Variants in RPS6KC1 observed in about 807,000 individuals in gnomAD.
The protein encoded by RPS6KC1 is ribosomal protein S6 kinase C1.
A neutral mutation model predicts 103.8 loss-of-function variants in RPS6KC1; 54 were observed. That is an observed-to-expected ratio of 0.52 (90% confidence interval 0.42 to 0.65). The LOEUF (loss-of-function observed/expected upper bound fraction) is 0.65. Among genes scored for constraint, RPS6KC1 ranks in the 30% least tolerant of loss-of-function variants. The pLI is 0.00. For missense variants in RPS6KC1, 1,151 were observed against 1,253.8 expected, an observed-to-expected ratio of 0.92 and a Z score of 1.24; for synonymous variants, 439 against 438.7, an observed-to-expected ratio of 1.00 and a Z score of -0.01.
the RPS6KC1 span, among the ~76,000 whole-genome samples, chr1:213,531,141 C>T: frequency 2.0e-5 from 3 of 152,142 alleles, no homozygotes; most frequent in South Asian, 2.1e-4. Context: ...ATGCAGAGAT[C>T]GAAGGGTGCC....
At chr1:213,081,279 A>G (rs2079854194) in intron 3 of RPS6KC1, among the ~76,000 whole-genome samples, 1 of 152,174 alleles carries the variant, frequency 6.6e-6, no homozygotes, top group South Asian at 2.1e-4. Flanking sequence ...TGCATCTAGG[A>G]AGGACCTCAG....
At chr1:213,195,808 A>T (rs1053968417) in intron 8 of RPS6KC1, among the ~76,000 whole-genome samples, 5 of 150,578 alleles carry the variant, frequency 3.3e-5, no homozygotes, top group African/African-American at 5.0e-5. Context: ...TTTATGGCTG[A>T]GTAGTATTCC....
At chr1:213,299,630 AAAG>A in the RPS6KC1 span, among the ~76,000 whole-genome samples, 1 of 151,984 alleles carries the variant, frequency 6.6e-6, no homozygotes, top group Non-Finnish European at 1.5e-5. Context: ...AAAAATATAA[AAAG>A]AAATAAAGTT....
chr1:213,545,433 AAGAG>A, the RPS6KC1 span, among the ~76,000 whole-genome samples: 146 of 52,994 alleles, frequency 2.8e-3, 2 homozygotes, highest in African/African-American at 4.8e-3. Context: ...AATAAAATAA[AAGAG>A]AGAGAGAGAG....
chr1:213,140,205 C>A (rs767338872), intron 6 of RPS6KC1, among the ~76,000 whole-genome samples: 3 of 152,074 alleles, frequency 2.0e-5, no homozygotes, highest in Admixed American at 6.6e-5. Flanking sequence ...TATTCTGAAA[C>A]TTTGCTGAAG....
the RPS6KC1 span, among the ~76,000 whole-genome samples, chr1:213,695,695 G>C: frequency 6.6e-6 from 1 of 152,256 alleles, no homozygotes; most frequent in African/African-American, 2.4e-5. Flanking sequence ...CTCTTGGGGA[G>C]TTTGCCTTCA....
At chr1:213,127,589 C>T (rs1017495831) in intron 5 of RPS6KC1, among the ~76,000 whole-genome samples, 3 of 151,968 alleles carry the variant, frequency 2.0e-5, no homozygotes, top group African/African-American at 7.3e-5. Flanking sequence ...TGTCATTATT[C>T]AGACTTGTGT....
At chr1:213,527,750 C>T in the RPS6KC1 span, among the ~76,000 whole-genome samples, 1 of 151,910 alleles carries the variant, frequency 6.6e-6, no homozygotes, top group African/African-American at 2.4e-5. Flanking sequence ...GGTACTGACC[C>T]CTACACAGTC....
At chr1:213,221,114 T>C (rs2093821102) in intron 8 of RPS6KC1, among the ~76,000 whole-genome samples, 1 of 152,176 alleles carries the variant, frequency 6.6e-6, no homozygotes, top group Non-Finnish European at 1.5e-5. Flanking sequence ...GAATAAAACA[T>C]CTTACATTTT....
At chr1:213,634,645 C>T in the RPS6KC1 span, among the ~76,000 whole-genome samples, 1 of 152,082 alleles carries the variant, frequency 6.6e-6, no homozygotes, top group African/African-American at 2.4e-5. Flanking sequence ...CTAAAATCAA[C>T]ACCCTAACAT....
At chr1:213,636,697 A>G in the RPS6KC1 span, among the ~76,000 whole-genome samples, 2 of 152,174 alleles carry the variant, frequency 1.3e-5, no homozygotes, top group Non-Finnish European at 2.9e-5. Context: ...CTCAGGACAT[A>G]GGCATGGGCA....
At chr1:213,623,877 T>C in the RPS6KC1 span, among the ~76,000 whole-genome samples, 11 of 152,304 alleles carry the variant, frequency 7.2e-5, no homozygotes, top group Admixed American at 6.5e-5. Flanking sequence ...CCTGTCATCT[T>C]ACCTTCCATC....
At chr1:213,232,307 C>T (rs779835069) in intron 10 of RPS6KC1, 52 bp downstream of exon 10, 7 of 1,606,174 alleles carry the variant, frequency 4.4e-6, no homozygotes, top group Middle Eastern at 1.7e-4. Context: ...ACCTACTTAG[C>T]TTCCAGTTTC....
the RPS6KC1 span, among the ~76,000 whole-genome samples, chr1:213,717,384 C>A: frequency 6.6e-6 from 1 of 152,104 alleles, no homozygotes; most frequent in Non-Finnish European, 1.5e-5. Context: ...GTTGACAAGG[C>A]AAACAAGAAG....
the RPS6KC1 span, among the ~76,000 whole-genome samples, chr1:213,437,047 T>G: frequency 6.6e-6 from 1 of 152,132 alleles, no homozygotes; most frequent in Admixed American, 6.5e-5. Context: ...TGTTCAACAC[T>G]GTTGATGATA....
At chr1:213,129,950 G>A (rs2085414152) in intron 6 of RPS6KC1, 61 bp downstream of exon 6, 7 of 1,442,888 alleles carry the variant, frequency 4.9e-6, no homozygotes, top group Non-Finnish European at 6.5e-6. Flanking sequence ...GGAAAAAAAA[G>A]TACATACATA....
intron 6 of RPS6KC1, among the ~76,000 whole-genome samples, chr1:213,135,092 G>T (rs1220621407): frequency 6.6e-6 from 1 of 152,284 alleles, no homozygotes; most frequent in African/African-American, 2.4e-5. Flanking sequence ...TGTTGAAGAA[G>T]TTCTATTCTA....
At chr1:213,154,456 A>G (rs2089635388) in intron 6 of RPS6KC1, among the ~76,000 whole-genome samples, 1 of 152,190 alleles carries the variant, frequency 6.6e-6, no homozygotes, top group Non-Finnish European at 1.5e-5. Context: ...CTGTTGGGGC[A>G]CTCAAACCAC....
At chr1:213,138,727 C>A (rs1156503063) in intron 6 of RPS6KC1, among the ~76,000 whole-genome samples, 1 of 152,120 alleles carries the variant, frequency 6.6e-6, no homozygotes, top group South Asian at 2.1e-4. Context: ...TGTAGTATAT[C>A]TGTACCATAT....
Sources: gnomAD v4.1 joint callset for allele counts (sites outside exome capture counted in the v4.1 genomes callset) on GRCh38, gnomAD v4.1.1 for gene constraint, MANE v1.5 for transcripts, NCBI Gene and HGNC (gene_info 2026-07-23, HGNC 2026-07-21) for gene names.